Variants in KAT6A observed in about 807,000 individuals in gnomAD.
KAT6A encodes the protein histone acetyltransferase KAT6A.
Under a neutral mutation model 198.4 loss-of-function variants are expected in KAT6A, and 9 were observed. The ratio of observed to expected loss-of-function variants is 0.05; its 90% confidence interval spans 0.03 to 0.08. The LOEUF (loss-of-function observed/expected upper bound fraction) is 0.08. Ranked by LOEUF, KAT6A falls within the 10% of genes least tolerant of loss-of-function variation. KAT6A has a pLI of 1.00. For missense variants in KAT6A, 2,077 were observed against 2,509.9 expected (o/e 0.83, Z 3.69); for synonymous variants, 890 against 883.0 (o/e 1.01, Z -0.14).
chr8:41,978,059 C>T (rs1301560516), intron 6 of KAT6A, among the ~76,000 whole-genome samples: 1 of 152,198 alleles, frequency 6.6e-6, no homozygotes, highest in Non-Finnish European at 1.5e-5. Flanking sequence ...CCCACCTCCT[C>T]CAGACATAGC....
chr8:41,966,004 T>A (rs1022497073), intron 8 of KAT6A, among the ~76,000 whole-genome samples: 1 of 152,226 alleles, frequency 6.6e-6, no homozygotes, highest in African/African-American at 2.4e-5. Context: ...AAAATAGTAG[T>A]TAAGAGCCTG....
chr8:42,026,087 A>G (rs1263933820), intron 2 of KAT6A, among the ~76,000 whole-genome samples: 1 of 152,160 alleles, frequency 6.6e-6, no homozygotes, highest in Non-Finnish European at 1.5e-5. Flanking sequence ...TTGGCTGTAA[A>G]TACATGGATT....
chr8:42,035,006 T>C (rs1266583337), intron 2 of KAT6A, among the ~76,000 whole-genome samples: 1 of 152,196 alleles, frequency 6.6e-6, no homozygotes, highest in Non-Finnish European at 1.5e-5. Flanking sequence ...TAAGATCATT[T>C]TGGCAATAAT....
At chr8:42,024,131 T>G (rs1039718632) in intron 2 of KAT6A, among the ~76,000 whole-genome samples, 9 of 152,180 alleles carry the variant, frequency 5.9e-5, no homozygotes, top group African/African-American at 1.9e-4. Flanking sequence ...CATAAAGCAG[T>G]AACAGGTAGT....
chr8:41,982,690 C>T (rs1441271342), intron 3 of KAT6A, among the ~76,000 whole-genome samples: 1 of 152,198 alleles, frequency 6.6e-6, no homozygotes, highest in African/African-American at 2.4e-5. Context: ...TTGCTGGTAT[C>T]ACCATGCTAG....
At chr8:41,940,726 A>T in intron 15 of KAT6A, 116 bp downstream of exon 15, 1 of 1,262,736 alleles carries the variant, frequency 7.9e-7, no homozygotes, top group Non-Finnish European at 1.1e-6. Context: ...TAAGGTTTAT[A>T]AAGCAATGCA....
chr8:41,990,507 G>C (rs1824881531), intron 2 of KAT6A, among the ~76,000 whole-genome samples: 1 of 152,166 alleles, frequency 6.6e-6, no homozygotes, highest in African/African-American at 2.4e-5. Flanking sequence ...TTACATTGCA[G>C]TAAGGAAGAG....
rs181701310 is a variant in KAT6A at position 42,023,660 on chromosome 8, G to C, written c.600+24718C>G. On this transcript the variant is annotated intron_variant, in intron 2 of 16. Transcript: ENST00000265713. ...GCGCCACCATGTCCAGCTAATTTTTGTATTTTTGTAAAGACGGGGTTTTGT... is the reference window on the plus strand; with the variant it reads ...GCGCCACCATGTCCAGCTAATTTTTCTATTTTTGTAAAGACGGGGTTTTGT... Among the ~76,000 whole-genome samples the C allele has an allele frequency of 1.3e-3, 202 of 151,770 alleles. 1 individual carries two copies. In the East Asian group the frequency reaches 0.034, roughly 25 times the overall value.
At chr8:41,995,293 A>T (rs912022633) in intron 2 of KAT6A, among the ~76,000 whole-genome samples, 7 of 152,240 alleles carry the variant, frequency 4.6e-5, no homozygotes, top group African/African-American at 1.7e-4. Flanking sequence ...AAGTGATTTC[A>T]TGGCCATAAC....
At chr8:42,028,132 T>C (rs1477023635) in intron 2 of KAT6A, among the ~76,000 whole-genome samples, 4 of 152,224 alleles carry the variant, frequency 2.6e-5, no homozygotes, top group African/African-American at 4.8e-5. Context: ...GATTTTGGTT[T>C]TAAAAAATTT....
chr8:42,043,494 AC>A (rs1466440857), intron 2 of KAT6A: 1 of 152,194 alleles, frequency 6.6e-6, no homozygotes, highest in African/African-American at 2.4e-5. Flanking sequence ...TGTAGGTGAA[AC>A]TTTTTTTTAA....
chr8:41,989,400 T>C (rs1259136165), intron 2 of KAT6A, among the ~76,000 whole-genome samples: 1 of 151,928 alleles, frequency 6.6e-6, no homozygotes, highest in Non-Finnish European at 1.5e-5. Flanking sequence ...TCCCAGCTAC[T>C]CGGGAGACTG....
At chr8:41,975,888 T>A (rs991585707) in intron 7 of KAT6A, among the ~76,000 whole-genome samples, 1 of 152,224 alleles carries the variant, frequency 6.6e-6, no homozygotes, top group African/African-American at 2.4e-5. Flanking sequence ...TTCAAAAATG[T>A]CTTTCATTAG....
chr8:42,036,763 C>T (rs750797415), intron 2 of KAT6A, among the ~76,000 whole-genome samples: 2 of 152,102 alleles, frequency 1.3e-5, no homozygotes, highest in Non-Finnish European at 2.9e-5. Context: ...GTAACTTTCT[C>T]GCAACTATAT....
rs1821592664 is a variant in KAT6A at position 41,932,380 on chromosome 8, G to A, written c.5840C>T (p.Ala1947Val). 1 of 1,614,102 alleles carries A rather than the reference G, an allele frequency of 6.2e-7. No individual in the cohort carries two copies. The highest frequency in any genetic ancestry group is 1.3e-5 in the African/African-American group (1 of 74,930). Residue 1947 changes from alanine to valine, a missense_variant, in exon 17 of 17, where the codon GCA becomes GTA. Physicochemically the swap from Ala to Val is moderately conservative, Grantham distance 64. Around this residue, in one of 13 missense-constraint regions of KAT6A, gnomAD observed 500 missense variants for 577.2 expected, o/e 0.87. Transcript: ENST00000265713. ...CATCTGCATCTGCATAGGATACTGTGCTGTCTGGTTCATGTAGGCAGGGTT... is the reference window on the plus strand; with the variant it reads ...CATCTGCATCTGCATAGGATACTGTACTGTCTGGTTCATGTAGGCAGGGTT... Reference protein sequence around the residue: ...HSNPAYMNQTAQYPMQMQMGM... With the variant: ...HSNPAYMNQTVQYPMQMQMGM...
At chr8:42,023,522 C>G (rs767047824) in intron 2 of KAT6A, among the ~76,000 whole-genome samples, 7 of 151,256 alleles carry the variant, frequency 4.6e-5, no homozygotes, top group Non-Finnish European at 1.0e-4. Context: ...GGGTCACACT[C>G]TGTTGCCCAG....
intron 2 of KAT6A, among the ~76,000 whole-genome samples, chr8:42,001,813 T>G (rs1178198396): frequency 2.6e-5 from 4 of 152,216 alleles, no homozygotes; most frequent in Non-Finnish European, 5.9e-5. Context: ...GTCAGCTATA[T>G]CTAGGCTGCA....
At chr8:41,959,978 A>G (rs752917996) in intron 8 of KAT6A, among the ~76,000 whole-genome samples, 8 of 152,038 alleles carry the variant, frequency 5.3e-5, no homozygotes, top group Non-Finnish European at 7.4e-5. Context: ...AAAAAAATAC[A>G]AGGAAGGCAA....
intron 11 of KAT6A, 38 bp downstream of exon 11, chr8:41,947,713 T>C (rs1304844559): frequency 6.5e-7 from 1 of 1,535,892 alleles, no homozygotes; most frequent in African/African-American, 1.4e-5. Context: ...TTCAGATTTC[T>C]ATATGAGTTC....
Sources: allele counts gnomAD v4.1 joint callset (sites outside exome capture counted in the v4.1 genomes callset), GRCh38; gene constraint gnomAD v4.1.1; regional missense constraint gnomAD v4.1.1; transcripts MANE v1.5; gene names NCBI Gene and HGNC (gene_info 2026-07-23, HGNC 2026-07-21).